Variants in CDHR4 observed in about 807,000 individuals in gnomAD.
CDHR4 encodes cadherin related family member 4.
Under a neutral mutation model 88.4 loss-of-function variants are expected in CDHR4, and 89 were observed. The ratio of observed to expected loss-of-function variants is 1.01; its 90% CI spans 0.85 to 1.20. CDHR4 has a LOEUF of 1.20. CDHR4 is among the 50% of genes most tolerant of loss of function. CDHR4 has a pLI of 0.00. For missense variants in CDHR4, 914 were observed against 1,007.2 expected (o/e 0.91, Z 1.25); for synonymous variants, 368 against 399.2 (o/e 0.92, Z 0.93).
chr3:49,796,169 C>G (rs1399822772), intron 5 of CDHR4, 123 bp from the exon 6 acceptor site: 2 of 628,388 alleles, frequency 3.2e-6, no homozygotes, highest in Non-Finnish European at 5.4e-6. Context: ...TCAACTTCCA[C>G]TCTTCCCCAT....
intron 9 of CDHR4, 83 bp downstream of exon 9, chr3:49,794,864 C>T (rs952753050): frequency 1.4e-5 from 21 of 1,518,314 alleles, no homozygotes; most frequent in Non-Finnish European, 1.7e-5. Flanking sequence ...CCCCCACTCC[C>T]GTGGTCTCAG....
Position 49,794,630 on chromosome 3 carries a change from A to G in CDHR4, c.1257T>C (p.Asp419=), listed in dbSNP as rs1056370729. The change falls in exon 10 of 19, where the codon GAT becomes GAC. Residue 419 remains aspartate, a synonymous_variant. Transcript: ENST00000412678. ...CACTGGTCATCTGGGGCTGGCCACC[A>G]TCGAGCACCAGGATGGAGGCTGCAT... ...FQHAASILVL[D]GGQPQMTTEV... 1 of 1,551,026 alleles carries G rather than the reference A, an allele frequency of 6.4e-7. No individual in the cohort carries two copies. Among genetic ancestry groups the G allele is most frequent in the Non-Finnish European group, 8.7e-7 (1 of 1,146,848 alleles).
rs1044726127 is a variant in CDHR4 at position 49,796,939 on chromosome 3, G to C, written c.589C>G (p.Leu197Val). Reference protein sequence around the residue: ...GWLQAPSQGLLGQAQKVFQLQ... With the variant: ...GWLQAPSQGLVGQAQKVFQLQ... ...ATGCTCACCTTTTGAGCCTGGCCTAGGAGGCCCTGGGATGGTGCCTGCAGC... is the reference window on the plus strand; with the variant it reads ...ATGCTCACCTTTTGAGCCTGGCCTACGAGGCCCTGGGATGGTGCCTGCAGC... Residue 197 changes from leucine (L) to valine (V), a missense_variant, in exon 5 of 19, where the codon CTA (leucine) becomes GTA (valine). Physicochemically the swap from Leu to Val is conservative, Grantham distance 32. Coordinates refer to ENST00000412678, the MANE Select transcript of CDHR4 (RefSeq NM_001007540.4). 6.4e-7 allele frequency: 1 copy of C among 1,551,370 alleles called. No individual in the cohort carries two copies. Among genetic ancestry groups the C allele is most frequent in the African/African-American group, 1.4e-5 (1 of 73,042 alleles).
At chr3:49,796,175 C>T in intron 5 of CDHR4, 129 bp from the exon 6 acceptor site, 1 of 600,056 alleles carries the variant, frequency 1.7e-6, no homozygotes, top group Non-Finnish European at 2.9e-6. Context: ...TCCACTCTTC[C>T]CCATGATCCC....
rs1305453218 is a variant in CDHR4, at chr3:49,795,748, T to C, written c.727A>G (p.Ile243Val). The C allele has an allele frequency of 1.9e-6, 3 of 1,551,638 alleles. No homozygotes were observed. The South Asian group carries it at 3.6e-5, about 18-fold the overall frequency. The change falls in exon 7 of 19, where the codon ATC (isoleucine) becomes GTC (valine). Residue 243 changes from isoleucine to valine, a missense_variant. Transcript: ENST00000412678. The surrounding 1 kb of genome is among the most constrained non-coding windows in gnomAD (Gnocchi z 5.4). ...QVSFLEQAQN[I>V]TIPENLAPGS... Reference sequence around the variant, plus strand: ...GGGGCCAGATTCTCAGGGATGGTGATATTCTGAGCCTGCTCGCTGGACCAA... The same window carrying C: ...GGGGCCAGATTCTCAGGGATGGTGACATTCTGAGCCTGCTCGCTGGACCAA...
At chr3:49,794,892 AC>A in intron 9 of CDHR4, 54 bp downstream of exon 9, 1 of 1,537,486 alleles carries the variant, frequency 6.5e-7, no homozygotes, top group Non-Finnish European at 8.8e-7. Context: ...TGGCCCACCC[AC>A]CCCTTCCCAC....
At position 49,795,465 on chromosome 3, in the gene CDHR4, G is replaced by T; in HGVS notation, c.848-86C>A. 1 of 1,502,594 alleles carries T rather than the reference G, an allele frequency of 6.7e-7. No homozygotes were observed. The highest frequency in any genetic ancestry group is 8.9e-7 in the Non-Finnish European group (1 of 1,119,758). 93.1% of individuals were successfully genotyped at this position (1,502,594 alleles called of 1,614,324 possible). A position where few individuals can be genotyped will look rare whatever the true frequency, so the allele number is the denominator to read the frequency against. Reference sequence around the variant, plus strand: ...TCCCAGCTCAGTCCCACTCCTGCCAGCCCACCAGATCCATAGGCAAAGGAG... The same window carrying T: ...TCCCAGCTCAGTCCCACTCCTGCCATCCCACCAGATCCATAGGCAAAGGAG... On this transcript the variant is annotated intron_variant, in intron 7 of 18. Transcript: ENST00000412678. This position sits in a 1 kb window ranked among gnomAD's most constrained non-coding sequence, Gnocchi z 5.4.
chr3:49,796,536 C>T (rs2081273373), intron 5 of CDHR4, among the ~76,000 whole-genome samples: 1 of 152,128 alleles, frequency 6.6e-6, no homozygotes, highest in African/African-American at 2.4e-5. Context: ...GGGGTTTCTC[C>T]ATGTTGGCCA....
intron 4 of CDHR4, 142 bp downstream of exon 4, chr3:49,798,684 G>A: frequency 1.3e-6 from 1 of 745,046 alleles, no homozygotes; most frequent in Non-Finnish European, 2.2e-6. Flanking sequence ...CTCTCTCCAA[G>A]AACATACATC....
chr3:49,795,825 T>G lies in CDHR4; in HGVS notation c.711-61A>C, dbSNP rs1344392811. ...CCTGCTCAACCTGTGGGTCCACAGC[T>G]TCCTTCCCTGGGCCCCCTCCTGTCA... is the stretch of plus-strand genomic sequence containing the variant. On this transcript the variant is annotated intron_variant, in intron 6 of 18. Transcript: ENST00000412678. The surrounding 1 kb of genome is among the most constrained non-coding windows in gnomAD (Gnocchi z 5.4). The G allele has an allele frequency of 2.6e-6, 4 of 1,543,704 alleles. No homozygotes were observed. Among genetic ancestry groups the G allele is most frequent in the Non-Finnish European group, 3.5e-6 (4 of 1,142,078 alleles).
At position 49,791,885 on chromosome 3, in the gene CDHR4, T is replaced by A; in HGVS notation, c.2195+18A>T. On this transcript the variant is annotated intron_variant, in intron 16 of 18. Coordinates refer to ENST00000412678, the MANE Select transcript of CDHR4 (RefSeq NM_001007540.4). Reference sequence around the variant, plus strand: ...AGAGATGGGATCCCAGGCATAGAAGTATGCAAAGGAGACTGACCTGTTTAG... The same window carrying A: ...AGAGATGGGATCCCAGGCATAGAAGAATGCAAAGGAGACTGACCTGTTTAG... The A allele has an allele frequency of 6.4e-7, 1 of 1,551,600 alleles. No individual in the cohort carries two copies. Among genetic ancestry groups the A allele is most frequent in the East Asian group, 2.4e-5 (1 of 40,908 alleles).
At chr3:49,793,560 C>G (rs954354768) in intron 12 of CDHR4, 23 bp downstream of exon 12, 12 of 1,550,572 alleles carry the variant, frequency 7.7e-6, no homozygotes, top group African/African-American at 2.7e-5. Context: ...GTATTTATTT[C>G]CAAAGCCTTA....
rs561272536 is a variant in CDHR4 at position 49,792,165 on chromosome 3, G to T, written c.2139-206C>A. ...AGGAGCAGGAAAGCTTTCCAGTGGA[G>T]GGCAGAAGTCAGGAATAGGGGTAAA... On this transcript the variant is annotated intron_variant, in intron 15 of 18. Transcript: ENST00000412678. Among the ~76,000 whole-genome samples, 5 of 152,288 alleles carry T rather than the reference G, an allele frequency of 3.3e-5. No homozygotes were observed. In the South Asian group the frequency reaches 1.0e-3, roughly 32 times the overall value.
intron 15 of CDHR4, 77 bp from the exon 16 acceptor site, chr3:49,792,036 T>G: frequency 1.4e-6 from 2 of 1,392,352 alleles, no homozygotes; most frequent in Non-Finnish European, 2.0e-6. Flanking sequence ...CATTCACCCA[T>G]TCCTTTATAT....
intron 4 of CDHR4, 157 bp downstream of exon 4, chr3:49,798,669 A>T: frequency 3.0e-6 from 2 of 663,626 alleles, no homozygotes. Flanking sequence ...AGCAGCCCTC[A>T]GCAGCTCTCT....
At position 49,792,528 on chromosome 3, in the gene CDHR4, G is replaced by A. The variant is rs2081196145; in HGVS notation, c.2078C>T (p.Thr693Ile). 5 of 1,551,612 alleles carry A rather than the reference G, an allele frequency of 3.2e-6. No homozygotes were observed. The highest frequency in any genetic ancestry group is 4.4e-6 in the Non-Finnish European group (5 of 1,147,014). Residue 693 changes from threonine to isoleucine, a missense_variant, in exon 15 of 19, where the codon ACA (threonine) becomes ATA (isoleucine). Coordinates refer to ENST00000412678, the MANE Select transcript of CDHR4 (RefSeq NM_001007540.4). ...CAAGAGGAGAAGAGCACCAGTTGCT[G>A]TCAACACCACCACAAACCAGGGCTG... ...QPQPWFVVVL[T>I]ATGALLLLAL... is the part of the protein sequence containing the mutation.
At position 49,795,368 on chromosome 3, in the gene CDHR4, C is replaced by G; in HGVS notation, c.859G>C (p.Val287Leu). 2 of 1,550,566 alleles carry G rather than the reference C, an allele frequency of 1.3e-6. No individual in the cohort carries two copies. The highest frequency in any genetic ancestry group is 1.7e-6 in the Non-Finnish European group (2 of 1,146,906). ...AACTCTAGGGGCGTGGTGGTCCGGACCACACCGTCTGCTGCATGGGGTGAG... is the reference window on the plus strand; with the variant it reads ...AACTCTAGGGGCGTGGTGGTCCGGAGCACACCGTCTGCTGCATGGGGTGAG... Reference protein sequence around the residue: ...LFSIGRADGVVRTTTPLELAR... With the variant: ...LFSIGRADGVLRTTTPLELAR... Residue 287 changes from valine (V) to leucine (L), a missense_variant, in exon 8 of 19, where the codon GTC (valine) becomes CTC (leucine). Physicochemically the swap from Val to Leu is conservative, Grantham distance 32. Transcript: ENST00000412678. The surrounding 1 kb of genome is among the most constrained non-coding windows in gnomAD (Gnocchi z 5.4).
At chr3:49,792,039 C>G in intron 15 of CDHR4, 80 bp from the exon 16 acceptor site, 1 of 1,394,790 alleles carries the variant, frequency 7.2e-7, no homozygotes, top group Non-Finnish European at 9.9e-7. Flanking sequence ...TCACCCATTC[C>G]TTTATATTGG....
chr3:49,794,043 G>T, intron 10 of CDHR4, 37 bp from the exon 11 acceptor site: 4 of 1,543,160 alleles, frequency 2.6e-6, no homozygotes, highest in Non-Finnish European at 2.6e-6. Context: ...CTGGCCTGGG[G>T]TAACTATCCC....
Sources: allele counts gnomAD v4.1 joint callset (sites outside exome capture counted in the v4.1 genomes callset), GRCh38; gene constraint gnomAD v4.1.1; non-coding constraint Gnocchi (gnomAD v3.1); transcripts MANE v1.5; gene names NCBI Gene and HGNC (gene_info 2026-07-23, HGNC 2026-07-21).